Variants in TNRC6B observed in about 807,000 individuals in gnomAD.
The protein encoded by TNRC6B is trinucleotide repeat-containing gene 6B protein.
A neutral mutation model predicts 203.6 loss-of-function variants in TNRC6B; 52 were observed. The ratio of observed to expected loss-of-function variants is 0.26; its 90% CI spans 0.20 to 0.32. The LOEUF (loss-of-function observed/expected upper bound fraction) is 0.32, where lower values mean the gene tolerates loss of function less well. TNRC6B is among the 10% of genes least tolerant of loss of function. TNRC6B has a pLI of 1.00. For synonymous variants in TNRC6B, 838 were observed against 845.7 expected (o/e 0.99, Z 0.16); for missense variants, 1,923 against 2,286.2 (o/e 0.84, Z 3.24).
At chr22:40,062,178 A>G (rs2067859121) in intron 1 of TNRC6B, among the ~76,000 whole-genome samples, 1 of 152,086 alleles carries the variant, frequency 6.6e-6, no homozygotes, top group African/African-American at 2.4e-5. Context: ...AAATCCCACA[A>G]TATGTTATTT....
At chr22:40,101,985 AT>A (rs2068244946) in intron 1 of TNRC6B, among the ~76,000 whole-genome samples, 1 of 152,208 alleles carries the variant, frequency 6.6e-6, no homozygotes, top group African/African-American at 2.4e-5. Flanking sequence ...GCAGTATCCA[AT>A]TTAACAATTC....
intron 12 of TNRC6B, among the ~76,000 whole-genome samples, chr22:40,294,526 C>T (rs1053867257): frequency 2.0e-5 from 3 of 152,146 alleles, no homozygotes; most frequent in East Asian, 3.8e-4. Flanking sequence ...CAAATGAGAT[C>T]ACCTTCTGAG....
chr22:40,270,109 C>A lies in TNRC6B; in HGVS notation c.2807-13C>A. On this transcript the variant is annotated splice_polypyrimidine_tract_variant and intron_variant, in intron 5 of 22. Coordinates refer to ENST00000454349, the MANE Select transcript of TNRC6B (RefSeq NM_001162501.2). ...TAACAAATGATTCTTAGAGACATTT[C>A]CTTTCTTTATAGTCTGGAGCAAAAG... The A allele has an allele frequency of 6.3e-7, 1 of 1,575,348 alleles. No individual in the cohort carries two copies. The highest frequency in any genetic ancestry group is 2.3e-5 in the East Asian group (1 of 43,280).
chr22:40,311,096 T>C (rs2071173489), intron 17 of TNRC6B, 103 bp downstream of exon 17: 1 of 1,277,886 alleles, frequency 7.8e-7, no homozygotes, highest in South Asian at 1.5e-5. Context: ...CTAAGGTACT[T>C]GCTTTTATTT....
intron 1 of TNRC6B, among the ~76,000 whole-genome samples, chr22:40,066,736 T>C (rs933580144): frequency 1.3e-5 from 2 of 152,130 alleles, no homozygotes; most frequent in African/African-American, 4.8e-5. Flanking sequence ...TGGTATATAT[T>C]ATTGTTTATA....
At chr22:40,090,314 T>G (rs2068139685) in intron 1 of TNRC6B, among the ~76,000 whole-genome samples, 1 of 152,156 alleles carries the variant, frequency 6.6e-6, no homozygotes, top group African/African-American at 2.4e-5. Flanking sequence ...GAAGGAGCAT[T>G]CCTGTTTCTC....
At chr22:40,142,689 G>A (rs1224932500) in intron 3 of TNRC6B, among the ~76,000 whole-genome samples, 1 of 152,060 alleles carries the variant, frequency 6.6e-6, no homozygotes, top group Non-Finnish European at 1.5e-5. Flanking sequence ...TAAGCAAGAA[G>A]TGTTTCTTTT....
intron 21 of TNRC6B, among the ~76,000 whole-genome samples, chr22:40,318,065 C>T (rs759469346): frequency 8.5e-5 from 13 of 152,120 alleles, no homozygotes; most frequent in African/African-American, 1.9e-4. Context: ...CCTTTTAATA[C>T]GCTAACACAT....
chr22:40,162,126 C>A (rs1414944667), intron 4 of TNRC6B, among the ~76,000 whole-genome samples: 1 of 152,064 alleles, frequency 6.6e-6, no homozygotes, highest in Admixed American at 6.6e-5. Flanking sequence ...GACAGAGTTT[C>A]GCTCTTGTTG....
Position 40,265,299 on chromosome 22 carries a change from TTTG to T in TNRC6B, c.1074_1076del (p.Val359del). 1 of 1,613,966 alleles carries T rather than the reference TTTG, an allele frequency of 6.2e-7. No individual in the cohort carries two copies. ...AAAGATGGAAAATGCGGGTGTTAAT[TTTG>T]TTGTCTCTGGCAGAGAACAGGCTCA... is the stretch of plus-strand genomic sequence containing the variant. On this transcript the variant is annotated inframe_deletion, in exon 5 of 23. Transcript: ENST00000454349.
intron 1 of TNRC6B, among the ~76,000 whole-genome samples, chr22:40,091,229 C>T (rs1490323958): frequency 3.3e-5 from 5 of 151,974 alleles, no homozygotes; most frequent in East Asian, 1.9e-4. Context: ...GTGATCCGCC[C>T]GCCTCAGCCT....
In TNRC6B at chr22:40,266,164, A is replaced by G. The variant is rs1182969055; in HGVS notation, c.1934A>G (p.Lys645Arg). Residue 645 changes from lysine (K) to arginine (R), a missense_variant, in exon 5 of 23, where the codon AAA becomes AGA. Lys to Arg is a conservative substitution (Grantham distance 26). Coordinates refer to ENST00000454349, the MANE Select transcript of TNRC6B (RefSeq NM_001162501.2). ...GAAGAGGTGCCAAGGCCTGAGGGGA[A>G]ATCTGACAAAGGAACTGAGGGGTGG... is the stretch of plus-strand genomic sequence containing the variant. ...DIEEVPRPEG[K>R]SDKGTEGWES... The G allele has an allele frequency of 6.2e-7, 1 of 1,613,752 alleles. No homozygotes were observed. Among genetic ancestry groups the G allele is most frequent in the Non-Finnish European group, 8.5e-7 (1 of 1,179,836 alleles).
intron 1 of TNRC6B, among the ~76,000 whole-genome samples, chr22:40,075,169 T>A (rs1243804911): frequency 6.6e-5 from 9 of 137,398 alleles, no homozygotes; most frequent in African/African-American, 1.9e-4. Context: ...TTTTTTTTTT[T>A]TTTTTTTTTT....
At chr22:40,070,906 A>C (rs983989011) in intron 1 of TNRC6B, among the ~76,000 whole-genome samples, 3 of 152,200 alleles carry the variant, frequency 2.0e-5, no homozygotes, top group Non-Finnish European at 4.4e-5. Context: ...CTAAAGTCTA[A>C]AGTGGGTAGA....
intron 1 of TNRC6B, among the ~76,000 whole-genome samples, chr22:40,063,131 C>G (rs2067868322): frequency 6.6e-6 from 1 of 151,924 alleles, no homozygotes; most frequent in South Asian, 2.1e-4. Flanking sequence ...CAACTTAATT[C>G]TTTTGCATGG....
intron 1 of TNRC6B, among the ~76,000 whole-genome samples, chr22:40,211,138 G>T (rs112362574): frequency 6.2e-4 from 94 of 151,966 alleles, no homozygotes; most frequent in Non-Finnish European, 1.1e-3. Context: ...TTTGAGACAG[G>T]ATCTTGCTTT....
intron 1 of TNRC6B, among the ~76,000 whole-genome samples, chr22:40,241,246 C>G (rs1339476243): frequency 6.6e-6 from 1 of 152,170 alleles, no homozygotes; most frequent in South Asian, 2.1e-4. Context: ...TCACCTGTAG[C>G]CCTTTCACCA....
intron 1 of TNRC6B, among the ~76,000 whole-genome samples, chr22:40,099,952 C>T (rs1569259954): frequency 6.6e-6 from 1 of 152,100 alleles, no homozygotes; most frequent in Admixed American, 6.5e-5. Context: ...GGGGTTTTAC[C>T]ATATTAGCCA....
chr22:40,288,087 G>A (rs1321408320), intron 12 of TNRC6B, among the ~76,000 whole-genome samples: 3 of 152,234 alleles, frequency 2.0e-5, no homozygotes, highest in South Asian at 4.1e-4. Context: ...TTGTTGAAAC[G>A]TACACACAAA....
Sources: allele counts gnomAD v4.1 joint callset (sites outside exome capture counted in the v4.1 genomes callset), GRCh38; gene constraint gnomAD v4.1.1; transcripts MANE v1.5; gene names NCBI Gene and HGNC (gene_info 2026-07-23, HGNC 2026-07-21).